PIEZO2: variants seen among roughly 807,000 people sequenced by gnomAD.
PIEZO2 encodes piezo-type mechanosensitive ion channel component 2.
In PIEZO2, 172 loss-of-function variants were observed where a neutral mutation model predicts 337.3. The observed-to-expected ratio is 0.51, with a 90% CI of 0.45 to 0.58. The LOEUF (loss-of-function observed/expected upper bound fraction) is 0.58. Among genes scored for constraint, PIEZO2 ranks in the 20% least tolerant of loss-of-function variants. PIEZO2 has a pLI of 0.00. For synonymous variants in PIEZO2, 1,251 were observed against 1,228.5 expected (o/e 1.02, Z -0.38); for missense variants, 3,028 against 3,391.3 (o/e 0.89, Z 2.66).
At chr18:10,734,091 CCTT>C (rs1018670930) in intron 35 of PIEZO2, among the ~76,000 whole-genome samples, 4 of 152,130 alleles carry the variant, frequency 2.6e-5, no homozygotes, top group Non-Finnish European at 5.9e-5. Flanking sequence ...TGGTCTAGCA[CCTT>C]CTTTATGTTG....
Position 10,828,041 on chromosome 18 carries a change from A to G in PIEZO2, c.918-20767T>C, listed in dbSNP as rs1230223061. Reference sequence around the variant, plus strand: ...GAGATTTTATAAGCAAAAGATGAATAAACATATAAACTATTGCAACCCCAA... The same window carrying G: ...GAGATTTTATAAGCAAAAGATGAATGAACATATAAACTATTGCAACCCCAA... On this transcript the variant is annotated intron_variant, in intron 7 of 55. Transcript: ENST00000674853. The surrounding 1 kb of genome is among the most constrained non-coding windows in gnomAD (Gnocchi z 4.1). Among the ~76,000 whole-genome samples the G allele has an allele frequency of 6.6e-6, 1 of 152,174 alleles. No individual in the cohort carries two copies. Among genetic ancestry groups the G allele is most frequent in the African/African-American group, 2.4e-5 (1 of 41,458 alleles).
In PIEZO2 at chr18:10,689,410, G is replaced by T. The variant is rs906433322; in HGVS notation, c.7497+245C>A. 4.6e-5 allele frequency among the ~76,000 whole-genome samples: 7 copies of T among 152,110 alleles called. No homozygotes were observed. In the East Asian group the frequency reaches 1.3e-3, roughly 29 times the overall value. ...GTTGGGATATAGCAAGCAATATACC[G>T]TTTTTTAAAAATAACTACAATATGA... On this transcript the variant is annotated intron_variant, in intron 49 of 55. Coordinates refer to ENST00000674853, the MANE Select transcript of PIEZO2 (RefSeq NM_001378183.1).
chr18:11,050,273 T>C (rs2037475291), intron 2 of PIEZO2, among the ~76,000 whole-genome samples: 2 of 152,178 alleles, frequency 1.3e-5, no homozygotes, highest in Non-Finnish European at 2.9e-5. Context: ...TGCTTTATTA[T>C]GACATAATAA....
At position 10,697,783 on chromosome 18, in the gene PIEZO2, T is replaced by C. The variant is rs1482146032; in HGVS notation, c.6792A>G (p.Glu2264=). ...KRELYMEKLQ[E]HLIKAKAFTI... Reference sequence around the variant, plus strand: ...TAAAGGCTTTTGCTTTGATTAAATGTTCTTGAAGCTTTTCCATATAAAGTT... The same window carrying C: ...TAAAGGCTTTTGCTTTGATTAAATGCTCTTGAAGCTTTTCCATATAAAGTT... The change falls in exon 45 of 56, where the codon GAA becomes GAG. Residue 2264 remains glutamate, a synonymous_variant. Transcript: ENST00000674853. 1.9e-6 allele frequency: 3 copies of C among 1,614,218 alleles called. No individual in the cohort carries two copies. Among genetic ancestry groups the C allele is most frequent in the Non-Finnish European group, 2.5e-6 (3 of 1,180,034 alleles).
chr18:11,050,052 G>A (rs911420852), intron 2 of PIEZO2, among the ~76,000 whole-genome samples: 20 of 152,234 alleles, frequency 1.3e-4, no homozygotes, highest in Non-Finnish European at 2.8e-4. Context: ...GTCTGACTGA[G>A]TAGTGTATGC....
chr18:10,742,714 G>T (rs922174265), intron 31 of PIEZO2, 99 bp from the exon 32 acceptor site: 1 of 1,277,446 alleles, frequency 7.8e-7, no homozygotes, highest in Non-Finnish European at 1.1e-6. Context: ...AGCTAAATTC[G>T]TGGACAAACT....
At chr18:11,106,419 T>TC (rs1491403143) in intron 1 of PIEZO2, among the ~76,000 whole-genome samples, 5 of 112,702 alleles carry the variant, frequency 4.4e-5, no homozygotes, top group African/African-American at 1.5e-4. Context: ...TTCCTCTCTC[T>TC]TTTTTTTTTT....
At chr18:10,697,615 T>C in intron 45 of PIEZO2, 133 bp downstream of exon 45, 1 of 1,221,268 alleles carries the variant, frequency 8.2e-7, no homozygotes. Flanking sequence ...AAGGGGTAAT[T>C]TCATTCTGCC....
chr18:10,763,006 G>T lies in PIEZO2; in HGVS notation c.3039C>A (p.Val1013=), dbSNP rs1158108035. The T allele has an allele frequency of 4.6e-6, 7 of 1,537,208 alleles. No homozygotes were observed. The highest frequency in any genetic ancestry group is 6.1e-6 in the Non-Finnish European group (7 of 1,146,930). ...LRRLASSVCT[V]WTCVIIVCKM... ...TGCAGACGATGATCACACACGTCCA[G>T]ACTGTGCAGACACTTGAAGCCAGAC... The change falls in exon 22 of 56, where the codon GTC becomes GTA. Residue 1013 remains valine (V), a synonymous_variant. Coordinates refer to ENST00000674853, the MANE Select transcript of PIEZO2 (RefSeq NM_001378183.1).
chr18:10,697,826 T>G lies in PIEZO2; in HGVS notation c.6749A>C (p.Lys2250Thr), dbSNP rs1290210815. Residue 2250 changes from lysine (K) to threonine (T), a missense_variant, in exon 45 of 56, where the codon AAG becomes ACG. By Grantham distance (78) the Lys-to-Thr change is moderately conservative (BLOSUM62 -1). Coordinates refer to ENST00000674853, the MANE Select transcript of PIEZO2 (RefSeq NM_001378183.1). ...ATAAAGTTCCCTTTTGCCTTTTTGCTTAATACTCAAAACACTGCTTCCTTT... is the reference window on the plus strand; with the variant it reads ...ATAAAGTTCCCTTTTGCCTTTTTGCGTAATACTCAAAACACTGCTTCCTTT... The part of the protein sequence containing the change: ...SQKGSSVLSI[K>T]QKGKRELYME... 1 of 1,614,114 alleles carries G rather than the reference T, an allele frequency of 6.2e-7. No homozygotes were observed. The highest frequency in any genetic ancestry group is 8.5e-7 in the Non-Finnish European group (1 of 1,180,042).
chr18:10,897,650 AC>A, intron 4 of PIEZO2, among the ~76,000 whole-genome samples: 1 of 152,128 alleles, frequency 6.6e-6, no homozygotes, highest in South Asian at 2.1e-4. Context: ...TTTATAAATT[AC>A]CCAGTCTCGG....
Position 10,894,038 on chromosome 18 carries a change from T to C in PIEZO2, c.329+17148A>G, listed in dbSNP as rs764231344. 3.3e-5 allele frequency among the ~76,000 whole-genome samples: 5 copies of C among 152,016 alleles called. No homozygotes were observed. The highest frequency in any genetic ancestry group is 6.5e-5 in the Admixed American group (1 of 15,274). On this transcript the variant is annotated intron_variant, in intron 4 of 55. Transcript: ENST00000674853. The surrounding 1 kb of genome is among the most constrained non-coding windows in gnomAD (Gnocchi z 4.1). ...ACTGTCTCTTTAAAATAGTAATTGG[T>C]CGCAGCCAGCAGCAAGGAAAGGCCG...
rs1480666307 is a variant in PIEZO2 at position 10,794,141 on chromosome 18, G to T, written c.1758+631C>A. ...CACAAAGGGAATGTGTGTTTAGTCT[G>T]CCATTCTGTTAACAAAACAAACAGT... On this transcript the variant is annotated intron_variant, in intron 13 of 55. Coordinates refer to ENST00000674853, the MANE Select transcript of PIEZO2 (RefSeq NM_001378183.1). The surrounding 1 kb of genome is among the most constrained non-coding windows in gnomAD (Gnocchi z 6.6). 1.3e-5 allele frequency among the ~76,000 whole-genome samples: 2 copies of T among 152,114 alleles called. No individual in the cohort carries two copies. The highest frequency in any genetic ancestry group is 2.9e-5 in the Non-Finnish European group (2 of 68,018).
At chr18:10,678,643 AT>A (rs2034121346) in intron 52 of PIEZO2, among the ~76,000 whole-genome samples, 1 of 152,182 alleles carries the variant, frequency 6.6e-6, no homozygotes, top group Admixed American at 6.5e-5. Flanking sequence ...CTAGTGTATT[AT>A]GTTGAGGTTC....
At position 11,070,465 on chromosome 18, in the gene PIEZO2, T is replaced by A. The variant is rs2038300170; in HGVS notation, c.65-4243A>T. Among the ~76,000 whole-genome samples the A allele has an allele frequency of 6.6e-6, 1 of 152,150 alleles. No homozygotes were observed. Among genetic ancestry groups the A allele is most frequent in the Admixed American group, 6.5e-5 (1 of 15,280 alleles). ...GCACGAAGGAGGCAGGTGTTTGTCT[T>A]AGCTCTGCCTACATGTGGGATGAGA... On this transcript the variant is annotated intron_variant, in intron 1 of 55. Transcript: ENST00000674853. This position sits in a 1 kb window ranked among gnomAD's most constrained non-coding sequence, Gnocchi z 4.3.
chr18:11,062,713 C>A (rs1265893049), intron 2 of PIEZO2, among the ~76,000 whole-genome samples: 2 of 152,112 alleles, frequency 1.3e-5, no homozygotes, highest in Admixed American at 6.6e-5. Flanking sequence ...CAATGAGATA[C>A]CATCTTACAC....
Position 10,671,756 on chromosome 18 carries a change from A to G in PIEZO2, c.8369T>C (p.Val2790Ala). ...GACAAATTTCCCAATCACAAGGACA[A>G]CTGAAGCATATAATCCCATAATACT... ...GYGIMGLYAS[V>A]VLVIGKFVRE... The change falls in exon 56 of 56, where the codon GTT becomes GCT. Residue 2790 changes from valine to alanine, a missense_variant. By Grantham distance (64) the Val-to-Ala change is moderately conservative. Coordinates refer to ENST00000674853, the MANE Select transcript of PIEZO2 (RefSeq NM_001378183.1). 1 of 1,613,762 alleles carries G rather than the reference A, an allele frequency of 6.2e-7. No homozygotes were observed.
At chr18:11,067,032 A>G (rs1011527425) in intron 1 of PIEZO2, among the ~76,000 whole-genome samples, 3 of 152,272 alleles carry the variant, frequency 2.0e-5, no homozygotes, top group African/African-American at 7.2e-5. Context: ...CAAAGTAGAC[A>G]AAAAGTACAA....
rs2035601108 is a variant in PIEZO2 at position 11,003,053 on chromosome 18, C to T, written c.161-23393G>A. 6.6e-6 allele frequency among the ~76,000 whole-genome samples: 1 copy of T among 152,054 alleles called. No homozygotes were observed. Among genetic ancestry groups the T allele is most frequent in the African/African-American group, 2.4e-5 (1 of 41,316 alleles). ...GCATGAGGTCAAGGACAGCCTTAAGCACAAGGAGATTCTAACCTGGGAGAT... is the reference window on the plus strand; with the variant it reads ...GCATGAGGTCAAGGACAGCCTTAAGTACAAGGAGATTCTAACCTGGGAGAT... On this transcript the variant is annotated intron_variant, in intron 2 of 55. Coordinates refer to ENST00000674853, the MANE Select transcript of PIEZO2 (RefSeq NM_001378183.1). This position sits in a 1 kb window ranked among gnomAD's most constrained non-coding sequence, Gnocchi z 4.6.
Sources: gnomAD v4.1 joint callset for allele counts (sites outside exome capture counted in the v4.1 genomes callset) on GRCh38, gnomAD v4.1.1 for gene constraint, Gnocchi (gnomAD v3.1) non-coding constraint, MANE v1.5 for transcripts, NCBI Gene and HGNC (gene_info 2026-07-23, HGNC 2026-07-21) for gene names.